Variants in SLC49A4 observed in about 807,000 individuals in gnomAD.
SLC49A4 encodes solute carrier family 49 member 4, also known as disrupted in renal cancer protein 2.
In SLC49A4, 36 loss-of-function variants were observed where a neutral mutation model predicts 50.6. The ratio of observed to expected loss-of-function variants is 0.71; its 90% confidence interval spans 0.55 to 0.94. The LOEUF (loss-of-function observed/expected upper bound fraction) is 0.94, where lower values mean the gene tolerates loss of function less well. Among genes scored for constraint, SLC49A4 ranks in the 40% least tolerant of loss-of-function variants. The probability of loss-of-function intolerance (pLI) is 0.00; values close to 1 mark genes in which losing one functional copy is unlikely to be tolerated. For synonymous variants in SLC49A4, 248 were observed against 241.2 expected, an observed-to-expected ratio of 1.03 and a Z score of -0.26; for missense variants, 503 against 605.7, an observed-to-expected ratio of 0.83 and a Z score of 1.78.
chr3:122,844,714 G>A (rs1333961737), intron 4 of SLC49A4, among the ~76,000 whole-genome samples: 2 of 151,762 alleles, frequency 1.3e-5, no homozygotes, highest in Non-Finnish European at 2.9e-5. Flanking sequence ...CCCGGGAAGC[G>A]GAGGTTGCAG....
intron 6 of SLC49A4, among the ~76,000 whole-genome samples, chr3:122,856,947 G>T (rs1407366120): frequency 6.6e-6 from 1 of 151,786 alleles, no homozygotes; most frequent in Non-Finnish European, 1.5e-5. Context: ...TAGTTAAGGT[G>T]CCTCTTTCCA....
At chr3:122,814,275 AAAAC>A (rs1328603110) in intron 2 of SLC49A4, among the ~76,000 whole-genome samples, 2 of 152,210 alleles carry the variant, frequency 1.3e-5, no homozygotes, top group African/African-American at 4.8e-5. Context: ...CTCAAAAACA[AAAAC>A]AAACACAAAT....
At chr3:122,861,186 C>T (rs1937054918) in intron 7 of SLC49A4, among the ~76,000 whole-genome samples, 1 of 152,076 alleles carries the variant, frequency 6.6e-6, no homozygotes, top group Admixed American at 6.5e-5. Context: ...GATTAGCAAC[C>T]TTAGTCCCAT....
intron 4 of SLC49A4, among the ~76,000 whole-genome samples, chr3:122,841,887 T>G (rs1936774945): frequency 6.6e-6 from 1 of 152,168 alleles, no homozygotes; most frequent in African/African-American, 2.4e-5. Context: ...CAGTAAAAAG[T>G]TTTTGAAAAT....
chr3:122,848,344 TTGTC>T (rs1252191886), intron 5 of SLC49A4, among the ~76,000 whole-genome samples: 2 of 152,174 alleles, frequency 1.3e-5, no homozygotes, highest in East Asian at 1.9e-4. Flanking sequence ...TTTAGTCTGT[TTGTC>T]TGTCCCTGCA....
rs1376510407 is a variant in SLC49A4, at chr3:122,795,362, T to C, written c.170T>C (p.Leu57Pro). 1 of 1,592,612 alleles carries C rather than the reference T, an allele frequency of 6.3e-7. No homozygotes were observed. The highest frequency in any genetic ancestry group is 1.7e-5 in the Admixed American group (1 of 58,548). The change falls in exon 1 of 9, where the codon CTC becomes CCC. Residue 57 changes from leucine (L) to proline (P), a missense_variant. Transcript: ENST00000261038. ...GGGCGCCGCTGGCTGGTGCTGCTGC[T>C]CTTCTCGCTGCTGGCGTTCGTTCAG... ...VYGRRWLVLL[L>P]FSLLAFVQGL... is the part of the protein sequence containing the mutation.
At chr3:122,848,612 T>C (rs151291483) in intron 5 of SLC49A4, among the ~76,000 whole-genome samples, 12 of 152,292 alleles carry the variant, frequency 7.9e-5, no homozygotes, top group African/African-American at 2.9e-4. Context: ...GTTTGTTAGC[T>C]TTATTCTCAG....
At chr3:122,814,495 C>A (rs990774739) in intron 2 of SLC49A4, among the ~76,000 whole-genome samples, 2 of 152,106 alleles carry the variant, frequency 1.3e-5, no homozygotes, top group Non-Finnish European at 2.9e-5. Flanking sequence ...GTAGACATGG[C>A]TAACAATTGT....
At chr3:122,816,836 T>A (rs1936373414) in intron 2 of SLC49A4, among the ~76,000 whole-genome samples, 1 of 152,288 alleles carries the variant, frequency 6.6e-6, no homozygotes, top group South Asian at 2.1e-4. Context: ...CAGTTCTGTC[T>A]TCATGGAGGT....
chr3:122,829,865 C>T (rs1275887707), intron 3 of SLC49A4, among the ~76,000 whole-genome samples: 1 of 151,990 alleles, frequency 6.6e-6, no homozygotes, highest in African/African-American at 2.4e-5. Flanking sequence ...TATCACTGAA[C>T]AAGAAAAGCA....
chr3:122,806,791 T>C (rs1366004415), intron 1 of SLC49A4, 66 bp from the exon 2 acceptor site: 21 of 965,944 alleles, frequency 2.2e-5, no homozygotes, highest in Admixed American at 1.6e-4. Flanking sequence ...CTAAAAATAA[T>C]CTTTATTTTT....
intron 1 of SLC49A4, 130 bp downstream of exon 1, chr3:122,795,665 A>G: frequency 2.8e-6 from 4 of 1,412,992 alleles, no homozygotes; most frequent in South Asian, 3.1e-5. Flanking sequence ...GAGTGTTGCT[A>G]GCATTCCATT....
At position 122,879,470 on chromosome 3, in the gene SLC49A4, GGGA is replaced by G; in HGVS notation, c.*94_*96del. 1.1e-6 allele frequency: 1 copy of G among 939,936 alleles called. No homozygotes were observed. Among genetic ancestry groups the G allele is most frequent in the African/African-American group, 1.7e-5 (1 of 59,316 alleles). The allele number at this position is 939,936 out of a possible 1,614,324, so 58.2% of individuals were successfully genotyped here. A position where few individuals can be genotyped will look rare whatever the true frequency, so the allele number is the denominator to read the frequency against. ...GAATTGCACATCTAACAGGAAAAGAGGGAGAAGAAAGAAACTTCATTCAGAGGT... is the reference window on the plus strand; with the variant it reads ...GAATTGCACATCTAACAGGAAAAGAGGAAGAAAGAAACTTCATTCAGAGGT... On this transcript the variant is annotated 3_prime_UTR_variant, in exon 9 of 9. Transcript: ENST00000261038.
intron 4 of SLC49A4, among the ~76,000 whole-genome samples, chr3:122,835,367 A>G (rs918483720): frequency 1.3e-5 from 2 of 152,214 alleles, no homozygotes; most frequent in Non-Finnish European, 2.9e-5. Flanking sequence ...AGATACAAAA[A>G]TCCTTAATAA....
At chr3:122,872,701 T>A (rs1937211294) in intron 8 of SLC49A4, 104 bp downstream of exon 8, 1 of 738,678 alleles carries the variant, frequency 1.4e-6, no homozygotes, top group African/African-American at 1.8e-5. Context: ...CCAAGGCAAA[T>A]TACTTTATGT....
chr3:122,842,917 GTGTAAT>G (rs1936793457), intron 4 of SLC49A4, among the ~76,000 whole-genome samples: 1 of 152,160 alleles, frequency 6.6e-6, no homozygotes, highest in Non-Finnish European at 1.5e-5. Flanking sequence ...CTTCCTACCA[GTGTAAT>G]TACCCCCAGT....
chr3:122,842,485 CAAAAAAAAAAA>C (rs34914829), intron 4 of SLC49A4, among the ~76,000 whole-genome samples: 18 of 58,778 alleles, frequency 3.1e-4, no homozygotes, highest in South Asian at 1.1e-3. Flanking sequence ...GACTCCGTCT[CAAAAAAAAAAA>C]AAAAAAAAAA....
intron 1 of SLC49A4, among the ~76,000 whole-genome samples, chr3:122,806,386 TC>T (rs1560193957): frequency 6.6e-6 from 1 of 152,154 alleles, no homozygotes; most frequent in African/African-American, 2.4e-5. Context: ...TTTTCTTTTT[TC>T]TTTTTTTGGA....
chr3:122,874,085 C>T (rs1037141329), intron 8 of SLC49A4, among the ~76,000 whole-genome samples: 3 of 152,168 alleles, frequency 2.0e-5, no homozygotes, highest in African/African-American at 7.2e-5. Context: ...AATGTTATCC[C>T]CCAATAAATC....
Sources: allele counts gnomAD v4.1 joint callset (sites outside exome capture counted in the v4.1 genomes callset), GRCh38; gene constraint gnomAD v4.1.1; transcripts MANE v1.5; gene names NCBI Gene and HGNC (gene_info 2026-07-23, HGNC 2026-07-21).